STK32B: variants seen among roughly 807,000 people sequenced by gnomAD.
The protein encoded by STK32B is serine/threonine kinase 32B, also known as serine/threonine-protein kinase 32B.
STK32B carries 43 observed loss-of-function variants against 52.6 expected under a neutral mutation model. The ratio of observed to expected loss-of-function variants is 0.82; its 90% confidence interval spans 0.64 to 1.05. The LOEUF is 1.05. Among genes scored for constraint, STK32B ranks in the 50% least tolerant of loss-of-function variants. The probability of loss-of-function intolerance (pLI) is 0.00; values close to 1 mark genes in which losing one functional copy is unlikely to be tolerated. For missense variants in STK32B, 621 were observed against 534.6 expected, an observed-to-expected ratio of 1.16 and a Z score of -1.59; for synonymous variants, 238 against 204.3, an observed-to-expected ratio of 1.17 and a Z score of -1.41.
chr4:5,238,100 GT>G (rs1560248265), intron 3 of STK32B, among the ~76,000 whole-genome samples: 1 of 152,212 alleles, frequency 6.6e-6, no homozygotes, highest in East Asian at 1.9e-4. Context: ...AGTTGTATTT[GT>G]TTCCTAGGAC....
intron 2 of STK32B, among the ~76,000 whole-genome samples, chr4:5,149,533 A>G (rs1717176591): frequency 6.6e-6 from 1 of 151,884 alleles, no homozygotes; most frequent in Non-Finnish European, 1.5e-5. Context: ...GGATTATACT[A>G]TACATTCTTA....
At chr4:5,446,872 GAAGGA>G in intron 7 of STK32B, 96 bp downstream of exon 7, 1 of 1,203,654 alleles carries the variant, frequency 8.3e-7, no homozygotes, top group East Asian at 2.5e-5. Flanking sequence ...CGCGGTGCAG[GAAGGA>G]GCACTGGGGG....
intron 6 of STK32B, among the ~76,000 whole-genome samples, chr4:5,417,888 G>C (rs150135438): frequency 2.4e-4 from 37 of 152,336 alleles, no homozygotes; most frequent in African/African-American, 8.2e-4. Context: ...CTGGGAGCTA[G>C]GTTCAGCTAG....
intron 4 of STK32B, among the ~76,000 whole-genome samples, chr4:5,362,271 T>C (rs1001419449): frequency 6.6e-6 from 1 of 152,168 alleles, no homozygotes; most frequent in African/African-American, 2.4e-5. Context: ...GCCCCAGACA[T>C]TGAATGAATA....
intron 3 of STK32B, among the ~76,000 whole-genome samples, chr4:5,268,793 T>G (rs1727224910): frequency 6.6e-6 from 1 of 151,990 alleles, no homozygotes; most frequent in Non-Finnish European, 1.5e-5. Flanking sequence ...GGGCTTCGGC[T>G]TCTGGTTGAA....
intron 3 of STK32B, among the ~76,000 whole-genome samples, chr4:5,330,950 G>C (rs897934250): frequency 6.6e-6 from 1 of 152,140 alleles, no homozygotes; most frequent in Middle Eastern, 3.2e-3. Context: ...TAGTTAAACT[G>C]TCATCTGTCT....
chr4:5,332,679 A>T (rs1732354036), intron 4 of STK32B, among the ~76,000 whole-genome samples: 1 of 151,962 alleles, frequency 6.6e-6, no homozygotes, highest in Non-Finnish European at 1.5e-5. Flanking sequence ...CCAGAGTGTG[A>T]TGTTCCCCTT....
chr4:5,313,966 G>A (rs977283034), intron 3 of STK32B, among the ~76,000 whole-genome samples: 4 of 152,142 alleles, frequency 2.6e-5, no homozygotes, highest in Non-Finnish European at 5.9e-5. Flanking sequence ...AACACATCCT[G>A]TTCATAGATG....
chr4:5,038,243 C>T, the STK32B span, among the ~76,000 whole-genome samples: 175 of 152,238 alleles, frequency 1.1e-3, no homozygotes, highest in African/African-American at 3.9e-3. Flanking sequence ...GTACCTATAT[C>T]GTTCTGGAGG....
At chr4:5,188,599 C>G (rs865891489) in intron 3 of STK32B, among the ~76,000 whole-genome samples, 1 of 152,204 alleles carries the variant, frequency 6.6e-6, no homozygotes, top group Non-Finnish European at 1.5e-5. Context: ...TCTCGGACCT[C>G]TTAAAATTGT....
intron 11 of STK32B, among the ~76,000 whole-genome samples, chr4:5,490,382 C>G (rs899514211): frequency 1.3e-5 from 2 of 152,072 alleles, no homozygotes; most frequent in African/African-American, 2.4e-5. Context: ...GCTGGGATTA[C>G]AGGTTTGAGC....
At chr4:5,482,492 T>C (rs1396314691) in intron 11 of STK32B, among the ~76,000 whole-genome samples, 3 of 152,016 alleles carry the variant, frequency 2.0e-5, no homozygotes, top group Non-Finnish European at 2.9e-5. Context: ...TGGGCTGAGA[T>C]GATGAGGTTT....
intron 1 of STK32B, among the ~76,000 whole-genome samples, chr4:5,108,369 T>G (rs1221068323): frequency 6.6e-6 from 1 of 152,170 alleles, no homozygotes; most frequent in Non-Finnish European, 1.5e-5. Context: ...TGGATATTCA[T>G]TTTGGAGGGG....
chr4:5,398,268 C>T lies in STK32B; in HGVS notation c.472+24C>T. On this transcript the variant is annotated intron_variant, in intron 5 of 11. Coordinates refer to ENST00000282908, the MANE Select transcript of STK32B (RefSeq NM_018401.3). The surrounding 1 kb of genome is among the most constrained non-coding windows in gnomAD (Gnocchi z 4.9). Reference sequence around the variant, plus strand: ...CGGTAAGCCTGCTACTAATCCTTTACAGGGACTCTCAGTGGAAAGTTTGAG... The same window carrying T: ...CGGTAAGCCTGCTACTAATCCTTTATAGGGACTCTCAGTGGAAAGTTTGAG... 10 of 1,613,620 alleles carry T rather than the reference C, an allele frequency of 6.2e-6. No individual in the cohort carries two copies. Among genetic ancestry groups the T allele is most frequent in the Non-Finnish European group, 8.5e-6 (10 of 1,179,790 alleles).
chr4:5,089,248 A>C (rs940048681), intron 1 of STK32B, among the ~76,000 whole-genome samples: 3 of 151,874 alleles, frequency 2.0e-5, no homozygotes, highest in Admixed American at 6.6e-5. Context: ...AGGGATACAC[A>C]TGCAGAACAT....
intron 7 of STK32B, among the ~76,000 whole-genome samples, chr4:5,450,162 C>G (rs739964): frequency 0.73 from 110,703 of 152,066 alleles, 40,771 homozygotes; most frequent in African/African-American, 0.85. Context: ...TTCTCTCTGA[C>G]CCAAACTAGA....
intron 2 of STK32B, among the ~76,000 whole-genome samples, chr4:5,159,597 GAAT>G (rs1217738407): frequency 1.0e-5 from 1 of 97,784 alleles, no homozygotes; most frequent in East Asian, 2.6e-4. Flanking sequence ...GAATATATAT[GAAT>G]ATATATATGA....
the STK32B span, among the ~76,000 whole-genome samples, chr4:5,021,639 G>A: frequency 6.6e-6 from 1 of 152,218 alleles, no homozygotes; most frequent in Non-Finnish European, 1.5e-5. Flanking sequence ...TTGCTGTGCT[G>A]GAAAACAGGA....
chr4:5,463,470 T>C (rs1268536695), intron 9 of STK32B, among the ~76,000 whole-genome samples: 1 of 129,254 alleles, frequency 7.7e-6, no homozygotes, highest in African/African-American at 2.7e-5. Flanking sequence ...TGATGCACAC[T>C]CACACACTCA....
Sources: allele counts gnomAD v4.1 joint callset (sites outside exome capture counted in the v4.1 genomes callset), GRCh38; gene constraint gnomAD v4.1.1; non-coding constraint Gnocchi (gnomAD v3.1); transcripts MANE v1.5; gene names NCBI Gene and HGNC (gene_info 2026-07-23, HGNC 2026-07-21).